ST6GAL2: variants seen among roughly 807,000 people sequenced by gnomAD.
ST6GAL2 encodes the protein beta-galactoside alpha-2,6-sialyltransferase 2.
ST6GAL2 carries 24 observed loss-of-function variants against 37.5 expected under a neutral mutation model. The ratio of observed to expected loss-of-function variants is 0.64; its 90% CI spans 0.46 to 0.90. The LOEUF (loss-of-function observed/expected upper bound fraction) is 0.90. Among genes scored for constraint, ST6GAL2 ranks in the 40% least tolerant of loss-of-function variants. ST6GAL2 has a pLI of 0.00. For synonymous variants in ST6GAL2, 306 were observed against 295.1 expected, an observed-to-expected ratio of 1.04 and a Z score of -0.38; for missense variants, 715 against 712.7, an observed-to-expected ratio of 1.00 and a Z score of -0.04.
intron 5 of ST6GAL2, among the ~76,000 whole-genome samples, chr2:106,807,982 A>G (rs1675481546): frequency 6.6e-6 from 1 of 152,176 alleles, no homozygotes; most frequent in East Asian, 1.9e-4. Context: ...CAACACCACC[A>G]TGCCACTATT....
chr2:106,865,566 T>C (rs1276494645), intron 1 of ST6GAL2, among the ~76,000 whole-genome samples: 1 of 152,156 alleles, frequency 6.6e-6, no homozygotes, highest in East Asian at 1.9e-4. Flanking sequence ...AATAGCAAAA[T>C]TCGTTACACC....
intron 1 of ST6GAL2, among the ~76,000 whole-genome samples, chr2:106,874,096 G>C (rs17033448): frequency 6.6e-6 from 1 of 152,144 alleles, no homozygotes; most frequent in Non-Finnish European, 1.5e-5. Context: ...CAACATGCTC[G>C]ATAGCTGGCA....
chr2:106,822,784 A>C (rs1164475586), intron 5 of ST6GAL2: 1 of 152,136 alleles, frequency 6.6e-6, no homozygotes, highest in African/African-American at 2.4e-5. Context: ...TACAAAAGTA[A>C]TTGTGGTTTT....
intron 1 of ST6GAL2, among the ~76,000 whole-genome samples, chr2:106,884,075 A>G (rs13428083): frequency 3.6e-4 from 54 of 150,702 alleles, no homozygotes; most frequent in African/African-American, 1.3e-3. Context: ...TAAGCAATAG[A>G]CCAGAGCCTC....
chr2:106,869,698 T>A (rs1052164882), intron 1 of ST6GAL2, among the ~76,000 whole-genome samples: 2 of 152,168 alleles, frequency 1.3e-5, no homozygotes, highest in African/African-American at 4.8e-5. Context: ...CTCTTCTCAT[T>A]AAGTTGACTG....
In ST6GAL2 at chr2:106,884,934, T is replaced by TATATATATATATATATAC. The variant is rs1425070594; in HGVS notation, c.-58+1158_-58+1159insGTATATATATATATATAT. 8.1e-3 allele frequency among the ~76,000 whole-genome samples: 973 copies of TATATATATATATATATAC among 120,138 alleles called. 22 individuals carry two copies. The highest frequency in any genetic ancestry group is 0.01 in the Non-Finnish European group (621 of 60,416). 78.8% of individuals were successfully genotyped at this position (120,138 alleles called of 152,430 possible). On this transcript the variant is annotated intron_variant, in intron 1 of 5. Transcript: ENST00000409382. ...ATATATATATATATATATATATATA[T>TATATATATATATATATAC]ACATACACACACACACATATATACA...
rs564025581 is a variant in ST6GAL2, at chr2:106,843,730, G to C, written c.248C>G (p.Ala83Gly). The C allele has an allele frequency of 6.2e-6, 10 of 1,612,330 alleles. No individual in the cohort carries two copies. The African/African-American group carries it at 1.2e-4, about 19-fold the overall frequency. Residue 83 changes from alanine (A) to glycine (G), a missense_variant, in exon 2 of 6, where the codon GCC (alanine) becomes GGC (glycine). This residue lies in a region of ST6GAL2 where 512 missense variants were observed against 488.8 expected (regional missense o/e 1.05). Transcript: ENST00000409382. ...CGCATGAAAGGAACCGGCTGGGTGGGCGCGGGGCAGCGCCTGGCGTGCGTC... is the reference window on the plus strand; with the variant it reads ...CGCATGAAAGGAACCGGCTGGGTGGCCGCGGGGCAGCGCCTGGCGTGCGTC... ...GLDARQALPR[A>G]HPAGSFHAGP...
intron 5 of ST6GAL2, among the ~76,000 whole-genome samples, chr2:106,814,351 T>A (rs952231529): frequency 5.3e-5 from 8 of 152,232 alleles, no homozygotes; most frequent in Admixed American, 3.9e-4. Context: ...AAAGCCAATA[T>A]AAAATGGAAA....
At chr2:106,809,093 C>T (rs1374187912) in intron 5 of ST6GAL2, among the ~76,000 whole-genome samples, 1 of 152,222 alleles carries the variant, frequency 6.6e-6, no homozygotes, top group Non-Finnish European at 1.5e-5. Context: ...GAAGTTTTCC[C>T]AGAGCCTGTG....
At chr2:106,854,585 T>C (rs1312532423) in intron 1 of ST6GAL2, among the ~76,000 whole-genome samples, 1 of 152,210 alleles carries the variant, frequency 6.6e-6, no homozygotes, top group Non-Finnish European at 1.5e-5. Context: ...ATATGTATTA[T>C]AATACACCAT....
chr2:106,813,015 G>T (rs1675665945), intron 5 of ST6GAL2: 1 of 1,221,782 alleles, frequency 8.2e-7, no homozygotes, highest in Non-Finnish European at 1.0e-6. Context: ...TCAAGATTTA[G>T]ACACGTTTTA....
chr2:106,852,178 G>T (rs1677391788), intron 1 of ST6GAL2, among the ~76,000 whole-genome samples: 1 of 152,210 alleles, frequency 6.6e-6, no homozygotes, highest in South Asian at 2.1e-4. Flanking sequence ...AGAACAGAAA[G>T]AAAAAGGTCG....
chr2:106,812,310 C>T (rs2104419592), intron 5 of ST6GAL2, among the ~76,000 whole-genome samples: 1 of 152,318 alleles, frequency 6.6e-6, no homozygotes, highest in South Asian at 2.1e-4. Flanking sequence ...TTTAACACAT[C>T]CAGTCTATGG....
chr2:106,844,853 T>G (rs1048999169), intron 1 of ST6GAL2, among the ~76,000 whole-genome samples: 3 of 152,042 alleles, frequency 2.0e-5, no homozygotes, highest in Admixed American at 1.3e-4. Flanking sequence ...TAAGATACAA[T>G]GAAAGAGAAT....
At position 106,843,476 on chromosome 2, in the gene ST6GAL2, C is replaced by A. The variant is rs1310790544; in HGVS notation, c.502G>T (p.Val168Phe). ...CTCTTCTTCACCCGCCTCCTCTGGA[C>A]CTGTGCAGCCGGAAAAGCCCCCTCC... is the stretch of plus-strand genomic sequence containing the variant. Reference protein sequence around the residue: ...PREGAFPAAQVQRRRVKKRHR... With the variant: ...PREGAFPAAQFQRRRVKKRHR... Residue 168 changes from valine (V) to phenylalanine (F), a missense_variant, in exon 2 of 6, where the codon GTC becomes TTC. Around this residue, in one of 3 missense-constraint regions of ST6GAL2, gnomAD observed 512 missense variants for 488.8 expected, o/e 1.05. Transcript: ENST00000409382. 14 of 1,613,958 alleles carry A rather than the reference C, an allele frequency of 8.7e-6. No homozygotes were observed. Among genetic ancestry groups the A allele is most frequent in the Non-Finnish European group, 1.2e-5 (14 of 1,180,024 alleles).
upstream of ST6GAL2, chr2:106,886,704 C>G (rs1483916346): frequency 6.6e-6 from 1 of 151,952 alleles, no homozygotes; most frequent in Non-Finnish European, 1.5e-5. Context: ...TCCGCGATCC[C>G]TTTCATCCTT....
Position 106,843,495 on chromosome 2 carries a change from C to T in ST6GAL2, c.483G>A (p.Gly161=). The change falls in exon 2 of 6, where the codon GGG becomes GGA. Residue 161 remains glycine (G), a synonymous_variant. Coordinates refer to ENST00000409382, the MANE Select transcript of ST6GAL2 (RefSeq NM_001142351.2). ...TCTGGACCTGTGCAGCCGGAAAAGC[C>T]CCCTCCCGTGGGCCTGGCTCCCCGG... is the stretch of plus-strand genomic sequence containing the variant. ...PSPGEPGPRE[G]AFPAAQVQRR... 6.2e-7 allele frequency: 1 copy of T among 1,614,060 alleles called. No homozygotes were observed. Among genetic ancestry groups the T allele is most frequent in the Non-Finnish European group, 8.5e-7 (1 of 1,180,014 alleles).
chr2:106,885,514 G>A (rs542408828), intron 1 of ST6GAL2, among the ~76,000 whole-genome samples: 25 of 152,160 alleles, frequency 1.6e-4, no homozygotes, highest in Non-Finnish European at 3.7e-4. Context: ...CAGCACTTGC[G>A]GGAGCCATTG....
chr2:106,852,658 A>C (rs1677417533), intron 1 of ST6GAL2, among the ~76,000 whole-genome samples: 1 of 152,208 alleles, frequency 6.6e-6, no homozygotes, highest in Admixed American at 6.5e-5. Context: ...TTGCCTGACC[A>C]GGGGCTGTTG....
Sources: gnomAD v4.1 joint callset for allele counts (sites outside exome capture counted in the v4.1 genomes callset) on GRCh38, gnomAD v4.1.1 for gene constraint, gnomAD v4.1.1 regional missense constraint, MANE v1.5 for transcripts, NCBI Gene and HGNC (gene_info 2026-07-23, HGNC 2026-07-21) for gene names.